CNTNAP3: variants seen among roughly 807,000 people sequenced by gnomAD.
CNTNAP3 encodes contactin associated protein family member 3.
A neutral mutation model predicts 92.1 loss-of-function variants in CNTNAP3; 36 were observed. The ratio of observed to expected loss-of-function variants is 0.39; its 90% CI spans 0.30 to 0.52. The LOEUF (loss-of-function observed/expected upper bound fraction) is 0.52. Ranked by LOEUF, CNTNAP3 falls within the 20% of genes least tolerant of loss-of-function variation. The pLI is 0.76. For missense variants in CNTNAP3, 534 were observed against 1,069.6 expected (o/e 0.50, Z 6.98); for synonymous variants, 232 against 422.3 (o/e 0.55, Z 5.53).
chr9:39,105,677 T>G (rs1252814406), intron 15 of CNTNAP3, among the ~76,000 whole-genome samples: 1 of 152,146 alleles, frequency 6.6e-6, no homozygotes, highest in Non-Finnish European at 1.5e-5. Flanking sequence ...AGGCTCATCT[T>G]ACATTTTCTC....
At chr9:39,102,257 G>A in intron 17 of CNTNAP3, among the ~76,000 whole-genome samples, 1 of 152,304 alleles carries the variant, frequency 6.6e-6, no homozygotes, top group Non-Finnish European at 1.5e-5. Flanking sequence ...TCCAGCCTGG[G>A]CGACACAGTG....
At chr9:39,132,584 A>G (rs1173026902) in intron 13 of CNTNAP3, among the ~76,000 whole-genome samples, 2 of 152,120 alleles carry the variant, frequency 1.3e-5, no homozygotes, top group Admixed American at 1.3e-4. Flanking sequence ...ACCGGTTCCC[A>G]CTGGTCTTCA....
chr9:39,083,719 A>C (rs1826001427), intron 21 of CNTNAP3, among the ~76,000 whole-genome samples: 1 of 151,736 alleles, frequency 6.6e-6, no homozygotes, highest in Non-Finnish European at 1.5e-5. Context: ...GAATACAATA[A>C]TACCAAAGTA....
intron 14 of CNTNAP3, among the ~76,000 whole-genome samples, chr9:39,116,045 G>A (rs1263812747): frequency 5.9e-5 from 9 of 151,954 alleles, no homozygotes; most frequent in Non-Finnish European, 1.3e-4. Flanking sequence ...CCAGTTACTC[G>A]GGAGGCTGAG....
At chr9:39,117,996 C>A (rs1820900427) in intron 14 of CNTNAP3, 107 bp downstream of exon 14, 3 of 1,585,098 alleles carry the variant, frequency 1.9e-6, no homozygotes, top group Non-Finnish European at 2.6e-6. Flanking sequence ...CTTGCTTGAA[C>A]ATACTTTAGT....
rs1472304742 is a variant in CNTNAP3 at position 39,118,271 on chromosome 9, GTA to G, written c.2081-14_2081-13del. The G allele has an allele frequency of 6.2e-7, 1 of 1,612,952 alleles. No homozygotes were observed. Among genetic ancestry groups the G allele is most frequent in the Admixed American group, 1.7e-5 (1 of 59,886 alleles). On this transcript the variant is annotated splice_polypyrimidine_tract_variant and intron_variant, in intron 13 of 23. Transcript: ENST00000297668. ...CAGTGGGGTTCCATCTGAAAGACAA[GTA>G]TAAGAAACATGACATCTACTTTGTC...
chr9:39,137,880 G>T (rs913365221), intron 12 of CNTNAP3, among the ~76,000 whole-genome samples: 2 of 151,756 alleles, frequency 1.3e-5, no homozygotes, highest in Non-Finnish European at 2.9e-5. Context: ...TTTTTTTGGA[G>T]ACAAGGTCTT....
intron 13 of CNTNAP3, among the ~76,000 whole-genome samples, chr9:39,130,495 CTTTTTTT>C (rs58074019): frequency 0.046 from 5,135 of 111,108 alleles, 130 homozygotes; most frequent in Middle Eastern, 0.075. Flanking sequence ...AGGAGGAATT[CTTTTTTT>C]TTTTTTTTTT....
rs1412016721 is a variant in CNTNAP3 at position 39,132,987 on chromosome 9, G to C, written c.2025C>G (p.Arg675=). Residue 675 remains arginine, a synonymous_variant, in exon 13 of 24, where the codon CGC becomes CGG. Coordinates refer to ENST00000297668, the MANE Select transcript of CNTNAP3 (RefSeq NM_033655.5). ...AGCGCAGAGCCAGCCGCTGCTCGCA[G>C]CGCTCCGCCAGGTTCACCGCGGACC... The part of the protein sequence containing the change: ...QLRSAVNLAE[R]CEQRLALRCG... 1.9e-6 allele frequency: 3 copies of C among 1,541,106 alleles called. No homozygotes were observed. Among genetic ancestry groups the C allele is most frequent in the Non-Finnish European group, 1.7e-6 (2 of 1,152,364 alleles).
chr9:39,091,037 T>A (rs1203318605), intron 18 of CNTNAP3, among the ~76,000 whole-genome samples: 1 of 152,214 alleles, frequency 6.6e-6, no homozygotes, highest in Non-Finnish European at 1.5e-5. Flanking sequence ...TTTTGTATTC[T>A]GCAATTTTGC....
At chr9:39,179,286 T>TCTACACACACACACACAC (rs1491209886) in intron 4 of CNTNAP3, among the ~76,000 whole-genome samples, 1 of 80,724 alleles carries the variant, frequency 1.2e-5, no homozygotes, top group African/African-American at 5.7e-5. Flanking sequence ...TCTCTCTCTC[T>TCTACACACACACACACAC]ACACACACAC....
intron 20 of CNTNAP3, chr9:39,086,267 C>G (rs181943885): frequency 3.5e-5 from 8 of 231,446 alleles, no homozygotes; most frequent in Admixed American, 3.0e-4. Context: ...GGTCTATTTT[C>G]TTACTTATTC....
At chr9:39,178,454 CACAT>C in intron 4 of CNTNAP3, 94 bp from the exon 5 acceptor site, 1 of 352,594 alleles carries the variant, frequency 2.8e-6, no homozygotes. Flanking sequence ...ACACCACACA[CACAT>C]AGACACACAT....
At chr9:39,091,103 T>TA (rs1826185521) in intron 18 of CNTNAP3, among the ~76,000 whole-genome samples, 1 of 152,154 alleles carries the variant, frequency 6.6e-6, no homozygotes, top group Non-Finnish European at 1.5e-5. Context: ...TTTTTTTATA[T>TA]AAAAAATCAT....
chr9:39,099,117 G>T (rs2990122), intron 18 of CNTNAP3, among the ~76,000 whole-genome samples: 10 of 152,008 alleles, frequency 6.6e-5, no homozygotes, highest in African/African-American at 2.2e-4. Flanking sequence ...TGGGATGCCC[G>T]GCTAATTTTT....
chr9:39,116,155 AC>A (rs1820854413), intron 14 of CNTNAP3, among the ~76,000 whole-genome samples: 1 of 150,660 alleles, frequency 6.6e-6, no homozygotes, highest in Admixed American at 6.6e-5. Flanking sequence ...CTGTCTCAAA[AC>A]AAAAACAAAA....
At chr9:39,129,719 T>C (rs1239983227) in intron 13 of CNTNAP3, among the ~76,000 whole-genome samples, 2 of 152,064 alleles carry the variant, frequency 1.3e-5, no homozygotes, top group East Asian at 1.9e-4. Context: ...GAAAAAATAT[T>C]TGCAAATCAC....
chr9:39,069,069 T>C lies in CNTNAP3; in HGVS notation c.*4821A>G, dbSNP rs1181396649. 3.3e-5 allele frequency among the ~76,000 whole-genome samples: 5 copies of C among 152,258 alleles called. No individual in the cohort carries two copies. The highest frequency in any genetic ancestry group is 7.3e-5 in the Non-Finnish European group (5 of 68,046). Reference sequence around the variant, plus strand: ...CACACATGAATCATATCCTAAAGATTTGGAACAAGAAGTAAATTTAGCTAT... The same window carrying C: ...CACACATGAATCATATCCTAAAGATCTGGAACAAGAAGTAAATTTAGCTAT... On this transcript the variant is annotated 3_prime_UTR_variant, in exon 24 of 24. Coordinates refer to ENST00000297668, the MANE Select transcript of CNTNAP3 (RefSeq NM_033655.5).
chr9:39,090,175 G>A (rs1191626211), intron 18 of CNTNAP3, among the ~76,000 whole-genome samples: 4 of 152,104 alleles, frequency 2.6e-5, no homozygotes, highest in South Asian at 4.2e-4. Flanking sequence ...TCCTGACCTC[G>A]TGATCTGCCC....
Sources: allele counts gnomAD v4.1 joint callset (sites outside exome capture counted in the v4.1 genomes callset), GRCh38; gene constraint gnomAD v4.1.1; transcripts MANE v1.5; gene names NCBI Gene and HGNC (gene_info 2026-07-23, HGNC 2026-07-21).